RGS22: variants seen among roughly 807,000 people sequenced by gnomAD.
RGS22 encodes regulator of G protein signaling 22.
Under a neutral mutation model 172.9 loss-of-function variants are expected in RGS22, and 148 were observed. The observed-to-expected ratio is 0.86, with a 90% CI of 0.75 to 0.98. The LOEUF (loss-of-function observed/expected upper bound fraction) is 0.98. Ranked by LOEUF, RGS22 falls within the 50% of genes least tolerant of loss-of-function variation. The pLI is 0.00. For missense variants in RGS22, 1,347 were observed against 1,440.8 expected (o/e 0.93, Z 1.05); for synonymous variants, 458 against 480.2 (o/e 0.95, Z 0.60).
chr8:99,973,969 G>A (rs1298211886), intron 23 of RGS22, among the ~76,000 whole-genome samples: 1 of 151,606 alleles, frequency 6.6e-6, no homozygotes, highest in Non-Finnish European at 1.5e-5. Context: ...AAACCCGCAC[G>A]TTACGCACAT....
intron 20 of RGS22, among the ~76,000 whole-genome samples, chr8:99,992,773 A>G (rs935971312): frequency 3.3e-5 from 5 of 152,216 alleles, no homozygotes; most frequent in Admixed American, 1.3e-4. Flanking sequence ...GACCTAATAG[A>G]TATCTACAGA....
intron 21 of RGS22, among the ~76,000 whole-genome samples, chr8:99,986,361 C>T (rs577213060): frequency 6.6e-6 from 1 of 152,306 alleles, no homozygotes; most frequent in East Asian, 1.9e-4. Context: ...TGAGCAACTA[C>T]TAACTGTATG....
Position 100,008,124 on chromosome 8 carries a change from A to G in RGS22, c.2361+251T>C, listed in dbSNP as rs979528067. ...GCGATCTTGGCTCACTGCAACCTCT[A>G]CCTCCCAGGTTCAAGCAATTCTCCT... On this transcript the variant is annotated intron_variant, in intron 15 of 27. Coordinates refer to ENST00000360863, the MANE Select transcript of RGS22 (RefSeq NM_015668.5). Among the ~76,000 whole-genome samples the G allele has an allele frequency of 1.1e-3, 163 of 150,024 alleles. 1 individual carries two copies. Among genetic ancestry groups the G allele is most frequent in the Non-Finnish European group, 5.5e-4 (37 of 67,592 alleles).
At chr8:100,007,669 T>C (rs2131363717) in intron 15 of RGS22, among the ~76,000 whole-genome samples, 1 of 152,164 alleles carries the variant, frequency 6.6e-6, no homozygotes, top group East Asian at 1.9e-4. Context: ...AGGGCATATT[T>C]ACTTATTCAC....
chr8:100,052,034 T>G (rs1173735892), intron 10 of RGS22, among the ~76,000 whole-genome samples: 7 of 92,156 alleles, frequency 7.6e-5, no homozygotes, highest in Non-Finnish European at 1.3e-4. Context: ...TTTATATATT[T>G]ATATATAAAT....
At chr8:100,016,170 A>G (rs1240590620) in intron 14 of RGS22, among the ~76,000 whole-genome samples, 1 of 152,222 alleles carries the variant, frequency 6.6e-6, no homozygotes, top group Non-Finnish European at 1.5e-5. Context: ...AGAAACAGAC[A>G]TTTGTCTAAT....
At chr8:99,975,234 T>G (rs1811806438) in intron 23 of RGS22, among the ~76,000 whole-genome samples, 1 of 152,108 alleles carries the variant, frequency 6.6e-6, no homozygotes, top group African/African-American at 2.4e-5. Context: ...TATATTGGTA[T>G]TAGATTAGAA....
chr8:100,104,042 G>A (rs1443017806), intron 2 of RGS22, among the ~76,000 whole-genome samples: 1 of 152,150 alleles, frequency 6.6e-6, no homozygotes, highest in Non-Finnish European at 1.5e-5. Flanking sequence ...TCTGGGCCTG[G>A]AACAGTGGCT....
chr8:100,077,310 A>G (rs921485047), intron 4 of RGS22, among the ~76,000 whole-genome samples: 1 of 151,818 alleles, frequency 6.6e-6, no homozygotes, highest in African/African-American at 2.4e-5. Flanking sequence ...TAATTTTTCT[A>G]GTTTCTCATA....
intron 2 of RGS22, among the ~76,000 whole-genome samples, chr8:100,099,207 C>T (rs1272390382): frequency 2.0e-5 from 3 of 152,128 alleles, no homozygotes; most frequent in African/African-American, 7.2e-5. Flanking sequence ...AGCCATTGCG[C>T]CTGGCCCAGA....
intron 20 of RGS22, among the ~76,000 whole-genome samples, chr8:99,993,836 C>T (rs1308006599): frequency 6.6e-6 from 1 of 152,184 alleles, no homozygotes; most frequent in Non-Finnish European, 1.5e-5. Context: ...AGACCAATAT[C>T]CCCGACAAAC....
At chr8:100,021,781 GA>G (rs201885862) in intron 14 of RGS22, among the ~76,000 whole-genome samples, 572 of 130,604 alleles carry the variant, frequency 4.4e-3, no homozygotes, top group East Asian at 6.9e-3. Context: ...AGCTAAGGGT[GA>G]AAAAAAAAAA....
At chr8:100,028,564 A>C (rs970430229) in intron 14 of RGS22, among the ~76,000 whole-genome samples, 1 of 152,118 alleles carries the variant, frequency 6.6e-6, no homozygotes, top group Non-Finnish European at 1.5e-5. Flanking sequence ...TGAGTTTACC[A>C]TTATGTGGGC....
At chr8:100,064,327 G>C (rs1268113662) in intron 7 of RGS22, among the ~76,000 whole-genome samples, 1 of 152,038 alleles carries the variant, frequency 6.6e-6, no homozygotes, top group Non-Finnish European at 1.5e-5. Flanking sequence ...AATTAGCCAG[G>C]CTTGGTGGCA....
At chr8:100,055,015 G>A (rs1224612834) in intron 9 of RGS22, among the ~76,000 whole-genome samples, 5 of 152,142 alleles carry the variant, frequency 3.3e-5, no homozygotes, top group African/African-American at 1.2e-4. Context: ...GACTTCTAAG[G>A]TGCTTGACTC....
At chr8:99,974,631 C>G (rs1278966272) in intron 23 of RGS22, among the ~76,000 whole-genome samples, 1 of 151,148 alleles carries the variant, frequency 6.6e-6, no homozygotes, top group Non-Finnish European at 1.5e-5. Context: ...AACCCCATCT[C>G]TACTAAAAAT....
chr8:99,987,396 C>A, intron 21 of RGS22, 62 bp downstream of exon 21: 1 of 1,307,586 alleles, frequency 7.6e-7, no homozygotes, highest in Non-Finnish European at 1.1e-6. Flanking sequence ...AGTTAAAAAT[C>A]TGACATTTTA....
intron 14 of RGS22, among the ~76,000 whole-genome samples, chr8:100,012,149 TG>T (rs1816452429): frequency 6.6e-6 from 1 of 151,888 alleles, no homozygotes; most frequent in African/African-American, 2.4e-5. Context: ...TCAAAGGTGC[TG>T]GTTAAAGTGC....
At chr8:100,025,837 T>C (rs1361737406) in intron 14 of RGS22, among the ~76,000 whole-genome samples, 2 of 152,192 alleles carry the variant, frequency 1.3e-5, no homozygotes, top group South Asian at 4.1e-4. Context: ...GTAAGAACAA[T>C]CCAAATTTTA....
Sources: gnomAD v4.1 joint callset for allele counts (sites outside exome capture counted in the v4.1 genomes callset) on GRCh38, gnomAD v4.1.1 for gene constraint, MANE v1.5 for transcripts, NCBI Gene and HGNC (gene_info 2026-07-23, HGNC 2026-07-21) for gene names.